AGBL4: variants seen among roughly 807,000 people sequenced by gnomAD.
The protein encoded by AGBL4 is cytosolic carboxypeptidase 6.
A neutral mutation model predicts 66.4 loss-of-function variants in AGBL4; 58 were observed. The ratio of observed to expected loss-of-function variants is 0.87; its 90% confidence interval spans 0.71 to 1.09. AGBL4 has a LOEUF of 1.09. Ranked by LOEUF, AGBL4 falls within the 50% of genes least tolerant of loss-of-function variation. The pLI is 0.00. For missense variants in AGBL4, 579 were observed against 631.0 expected, an observed-to-expected ratio of 0.92 and a Z score of 0.88; for synonymous variants, 234 against 222.9, an observed-to-expected ratio of 1.05 and a Z score of -0.44.
intron 1 of AGBL4, among the ~76,000 whole-genome samples, chr1:49,875,583 T>G (rs1313410777): frequency 6.7e-6 from 1 of 148,278 alleles, no homozygotes; most frequent in Non-Finnish European, 1.5e-5. Flanking sequence ...TGGTTCCAAG[T>G]CTTTGCTATT....
intron 1 of AGBL4, among the ~76,000 whole-genome samples, chr1:49,972,078 C>A (rs1325821670): frequency 6.6e-6 from 1 of 150,760 alleles, no homozygotes. Flanking sequence ...CCACCACACC[C>A]GGCTAATTTT....
At chr1:49,006,868 C>T (rs1661880428) in intron 5 of AGBL4, among the ~76,000 whole-genome samples, 1 of 142,400 alleles carries the variant, frequency 7.0e-6, no homozygotes, top group Admixed American at 7.1e-5. Context: ...ACACCAAAAA[C>T]CCATCTGTAC....
intron 5 of AGBL4, among the ~76,000 whole-genome samples, chr1:49,019,590 C>T (rs1279742057): frequency 6.6e-6 from 1 of 152,136 alleles, no homozygotes; most frequent in Non-Finnish European, 1.5e-5. Flanking sequence ...TGCAACATAG[C>T]TTTTTAGGCA....
chr1:49,726,582 T>C (rs1047626212), intron 2 of AGBL4, among the ~76,000 whole-genome samples: 1 of 152,182 alleles, frequency 6.6e-6, no homozygotes, highest in African/African-American at 2.4e-5. Flanking sequence ...CATATCTTTT[T>C]AATGACTGCA....
chr1:49,199,281 C>G (rs553930612), intron 4 of AGBL4, among the ~76,000 whole-genome samples: 105 of 152,236 alleles, frequency 6.9e-4, no homozygotes, highest in African/African-American at 2.5e-3. Context: ...AAACTTTTAA[C>G]CACAATGCTA....
intron 4 of AGBL4, among the ~76,000 whole-genome samples, chr1:49,184,636 T>C (rs1325177215): frequency 1.3e-5 from 2 of 152,226 alleles, no homozygotes; most frequent in Non-Finnish European, 2.9e-5. Flanking sequence ...GCCATTGCTA[T>C]GTCATTTAAG....
At chr1:48,990,613 C>T (rs1660531125) in intron 5 of AGBL4, among the ~76,000 whole-genome samples, 2 of 152,038 alleles carry the variant, frequency 1.3e-5, no homozygotes, top group African/African-American at 2.4e-5. Context: ...ATATGATATG[C>T]AGTTTTCCTA....
intron 4 of AGBL4, among the ~76,000 whole-genome samples, chr1:49,066,995 C>T (rs1644503554): frequency 6.6e-6 from 1 of 152,168 alleles, no homozygotes; most frequent in African/African-American, 2.4e-5. Context: ...AGCGGAGATT[C>T]TGAGATGAAC....
Position 49,059,226 on chromosome 1 carries a change from A to C in AGBL4, c.378-13426T>G, listed in dbSNP as rs532130678. Among the ~76,000 whole-genome samples the C allele has an allele frequency of 1.7e-4, 26 of 152,290 alleles. 1 individual carries two copies. In the South Asian group the frequency reaches 4.4e-3, roughly 25 times the overall value. ...GACCCCTGCTCTGTGCAGCCTTGGG[A>C]CATGGTGTCCTGCTCCCAGCTGCTT... is the stretch of plus-strand genomic sequence containing the variant. On this transcript the variant is annotated intron_variant, in intron 4 of 13. Transcript: ENST00000371839.
chr1:49,987,799 G>T (rs576892192), intron 1 of AGBL4, among the ~76,000 whole-genome samples: 3 of 151,654 alleles, frequency 2.0e-5, no homozygotes, highest in Admixed American at 6.6e-5. Context: ...CATCTACATT[G>T]TGTTTACTGT....
At chr1:49,364,781 G>A (rs933404432) in intron 3 of AGBL4, among the ~76,000 whole-genome samples, 4 of 152,116 alleles carry the variant, frequency 2.6e-5, no homozygotes, top group African/African-American at 9.7e-5. Flanking sequence ...CCGGGCCCAT[G>A]TGCGTACTTT....
chr1:49,113,396 C>T (rs1645452139), intron 4 of AGBL4, among the ~76,000 whole-genome samples: 1 of 140,024 alleles, frequency 7.1e-6, no homozygotes, highest in Admixed American at 7.4e-5. Context: ...AGGCACAAAC[C>T]ACCACACCAG....
chr1:49,057,802 T>C (rs1352098932), intron 4 of AGBL4, among the ~76,000 whole-genome samples: 1 of 152,172 alleles, frequency 6.6e-6, no homozygotes, highest in Admixed American at 6.5e-5. Context: ...AGGGACAGTA[T>C]CTATTTTTTG....
intron 5 of AGBL4, among the ~76,000 whole-genome samples, chr1:49,020,485 G>A (rs1663163960): frequency 6.6e-6 from 1 of 152,094 alleles, no homozygotes; most frequent in Non-Finnish European, 1.5e-5. Flanking sequence ...ATGTGGGCAG[G>A]GCAAAGACTC....
chr1:49,911,271 A>C lies in AGBL4; in HGVS notation c.35-59753T>G, dbSNP rs191238697. 2.6e-5 allele frequency among the ~76,000 whole-genome samples: 4 copies of C among 152,344 alleles called. No homozygotes were observed. The East Asian group carries it at 7.7e-4, about 29-fold the overall frequency. On this transcript the variant is annotated intron_variant, in intron 1 of 13. Coordinates refer to ENST00000371839, the MANE Select transcript of AGBL4 (RefSeq NM_032785.4). ...TTTTGTAACTGAAATAAATAGAAAA[A>C]TAAGAAATACATTATTTCTGTGATT...
intron 2 of AGBL4, among the ~76,000 whole-genome samples, chr1:49,844,475 C>T (rs2148047450): frequency 6.6e-6 from 1 of 152,216 alleles, no homozygotes; most frequent in Admixed American, 6.5e-5. Flanking sequence ...CTTTCCTCTT[C>T]CTTTCCTTAT....
At chr1:49,047,338 A>C (rs1041509712) in intron 4 of AGBL4, among the ~76,000 whole-genome samples, 11 of 152,320 alleles carry the variant, frequency 7.2e-5, no homozygotes, top group African/African-American at 2.6e-4. Flanking sequence ...CAGTCTAAGC[A>C]ACAAAGAAAC....
At chr1:48,724,612 T>G (rs1334980392) in intron 6 of AGBL4, among the ~76,000 whole-genome samples, 1 of 152,210 alleles carries the variant, frequency 6.6e-6, no homozygotes, top group African/African-American at 2.4e-5. Flanking sequence ...ATACATATTT[T>G]CACCCTTGGA....
At chr1:49,374,998 T>C (rs910937620) in intron 3 of AGBL4, among the ~76,000 whole-genome samples, 4 of 152,150 alleles carry the variant, frequency 2.6e-5, no homozygotes, top group Non-Finnish European at 5.9e-5. Flanking sequence ...GACCAACCTC[T>C]CTCTTTCCCT....
Sources: allele counts gnomAD v4.1 joint callset (sites outside exome capture counted in the v4.1 genomes callset), GRCh38; gene constraint gnomAD v4.1.1; transcripts MANE v1.5; gene names NCBI Gene and HGNC (gene_info 2026-07-23, HGNC 2026-07-21).